The following ARHGEF25 variants were observed in gnomAD, a reference collection of about 807,000 sequenced individuals.
ARHGEF25 encodes the protein Rho guanine nucleotide exchange factor 25.
A neutral mutation model predicts 74.0 loss-of-function variants in ARHGEF25; 42 were observed. The observed-to-expected ratio is 0.57, with a 90% confidence interval of 0.44 to 0.73. ARHGEF25 has a LOEUF of 0.73. Ranked by LOEUF, ARHGEF25 falls within the 30% of genes least tolerant of loss-of-function variation. The pLI is 0.00. For synonymous variants in ARHGEF25, 293 were observed against 278.6 expected, an observed-to-expected ratio of 1.05 and a Z score of -0.51; for missense variants, 645 against 725.5, an observed-to-expected ratio of 0.89 and a Z score of 1.27.
At chr12:57,613,395 C>A (rs1449865237) in intron 3 of ARHGEF25, 36 bp downstream of exon 3, 1 of 1,614,026 alleles carries the variant, frequency 6.2e-7, no homozygotes, top group Non-Finnish European at 8.5e-7. Context: ...TCCTTTCACT[C>A]AAGGGGCATT....
At chr12:57,615,763 C>T (rs750289345) in intron 12 of ARHGEF25, 51 bp downstream of exon 12, 4 of 1,612,902 alleles carry the variant, frequency 2.5e-6, no homozygotes, top group Non-Finnish European at 3.4e-6. Flanking sequence ...GGCATGAGGC[C>T]TCTGAGAGGA....
Position 57,612,976 on chromosome 12 carries a change from T to C in ARHGEF25, c.144T>C (p.Ala48=). Residue 48 remains alanine, a synonymous_variant, in exon 2 of 15, where the codon GCT becomes GCC. Transcript: ENST00000286494. ...AGSEGSISAS[A]ASGLAAPSGP... ...GTGAGGGGAGTATATCGGCTTCTGC[T>C]GCCTCCGGTCTGGCTGCCCCCTCTG... 6.2e-7 allele frequency: 1 copy of C among 1,614,168 alleles called. No individual in the cohort carries two copies. Among genetic ancestry groups the C allele is most frequent in the East Asian group, 2.2e-5 (1 of 44,884 alleles).
chr12:57,615,320 G>T lies in ARHGEF25; in HGVS notation c.1038+6G>T. 1 of 1,602,858 alleles carries T rather than the reference G, an allele frequency of 6.2e-7. No homozygotes were observed. Among genetic ancestry groups the T allele is most frequent in the Non-Finnish European group, 8.5e-7 (1 of 1,174,946 alleles). ...GGAGATTGCGGGGATTTGAGGTACG[G>T]AGATAGGGCAAGAAACTGGAGGCCC... is the stretch of plus-strand genomic sequence containing the variant. On this transcript the variant is annotated splice_donor_region_variant and intron_variant, in intron 11 of 14. Coordinates refer to ENST00000286494, the MANE Select transcript of ARHGEF25 (RefSeq NM_182947.4).
In ARHGEF25 at chr12:57,614,797, T is replaced by G. The variant is rs763034840; in HGVS notation, c.909+16T>G. ...GCTGCTCAAGGTCAGGACCCCCTTT[T>G]TCCTGGGGGCACAGCTGGCTGGCAC... On this transcript the variant is annotated intron_variant, in intron 9 of 14. Transcript: ENST00000286494. The surrounding 1 kb of genome is among the most constrained non-coding windows in gnomAD (Gnocchi z 4.6). The G allele has an allele frequency of 6.2e-7, 1 of 1,600,150 alleles. No homozygotes were observed. Among genetic ancestry groups the G allele is most frequent in the African/African-American group, 1.3e-5 (1 of 74,596 alleles).
rs1221754178 is a variant in ARHGEF25 at position 57,611,627 on chromosome 12, G to A, written c.-268G>A. The A allele has an allele frequency of 4.7e-5, 48 of 1,031,744 alleles. No individual in the cohort carries two copies. Among genetic ancestry groups the A allele is most frequent in the Non-Finnish European group, 5.5e-5 (47 of 861,114 alleles). The allele number at this position is 1,031,744 out of a possible 1,614,324, so 63.9% of individuals were successfully genotyped here. A position where few individuals can be genotyped will look rare whatever the true frequency, so the allele number is the denominator to read the frequency against. On this transcript the variant is annotated 5_prime_UTR_variant, in exon 1 of 15. Transcript: ENST00000286494. The surrounding 1 kb of genome is among the most constrained non-coding windows in gnomAD (Gnocchi z 4.5). ...CTGGACATCTGGACCCTAGGCCCCCGCACCGACAGGGTTCCGGAAACCCTC... is the reference window on the plus strand; with the variant it reads ...CTGGACATCTGGACCCTAGGCCCCCACACCGACAGGGTTCCGGAAACCCTC...
At chr12:57,612,852 A>T in intron 1 of ARHGEF25, 78 bp from the exon 2 acceptor site, 1 of 1,547,058 alleles carries the variant, frequency 6.5e-7, no homozygotes, top group South Asian at 1.2e-5. Flanking sequence ...TGAAGAGAAG[A>T]CCCTGGGAGT....
Position 57,612,007 on chromosome 12 carries a change from A to C in ARHGEF25, c.97+16A>C. 8.2e-7 allele frequency: 1 copy of C among 1,218,594 alleles called. No homozygotes were observed. The highest frequency in any genetic ancestry group is 1.0e-6 in the Non-Finnish European group (1 of 952,444). 75.5% of individuals were successfully genotyped at this position (1,218,594 alleles called of 1,614,324 possible). ...GGGGGACGTGGTGAGTGCCAGGTCG[A>C]GAGGGTCCAGTGTTGAGTGGGGGGC... On this transcript the variant is annotated intron_variant, in intron 1 of 14. Coordinates refer to ENST00000286494, the MANE Select transcript of ARHGEF25 (RefSeq NM_182947.4).
Position 57,615,910 on chromosome 12 carries a change from A to G in ARHGEF25, c.1313A>G (p.Glu438Gly). Reference sequence around the variant, plus strand: ...TTTGCACTGACCTCCAGAGGGCCAGAGGGTGGGATCCAGCGCTATGTCCTG... The same window carrying G: ...TTTGCACTGACCTCCAGAGGGCCAGGGGGTGGGATCCAGCGCTATGTCCTG... Reference protein sequence around the residue: ...CRFALTSRGPEGGIQRYVLQA... With the variant: ...CRFALTSRGPGGGIQRYVLQA... The change falls in exon 13 of 15, where the codon GAG becomes GGG. Residue 438 changes from glutamate to glycine, a missense_variant. Glu to Gly is a moderately conservative substitution (Grantham distance 98, BLOSUM62 -2). Transcript: ENST00000286494. The G allele has an allele frequency of 6.2e-7, 1 of 1,614,160 alleles. No homozygotes were observed. Among genetic ancestry groups the G allele is most frequent in the Non-Finnish European group, 8.5e-7 (1 of 1,180,010 alleles).
chr12:57,612,048 G>A lies in ARHGEF25; in HGVS notation c.97+57G>A, dbSNP rs1057477919. On this transcript the variant is annotated intron_variant, in intron 1 of 14. Transcript: ENST00000286494. The stretch of plus-strand genomic sequence containing the variant: ...AGTGGGGGGCGGGCTGGGGGTTCAG[G>A]GCATCTGTTTGCCCTGGCCCTTGGG... The A allele has an allele frequency of 1.8e-5, 23 of 1,250,006 alleles. No homozygotes were observed. The African/African-American group carries it at 2.9e-4, about 16-fold the overall frequency. 77.4% of individuals were successfully genotyped at this position (1,250,006 alleles called of 1,614,324 possible). A position where few individuals can be genotyped will look rare whatever the true frequency, so the allele number is the denominator to read the frequency against.
At position 57,615,846 on chromosome 12, in the gene ARHGEF25, C is replaced by T. The variant is rs201973640; in HGVS notation, c.1249C>T (p.Leu417=). The change falls in exon 13 of 15, where the codon CTG becomes TTG. Residue 417 remains leucine, a synonymous_variant. Transcript: ENST00000286494. The part of the protein sequence containing the change: ...VYKNSIKVSC[L]GLEGNLQGDP... ...CTATCTGCCAATTCAGGTGAGCTGC[C>T]TGGGACTGGAGGGGAACCTCCAAGG... The T allele has an allele frequency of 1.9e-6, 3 of 1,613,728 alleles. No individual in the cohort carries two copies. The African/African-American group carries it at 4.0e-5, about 22-fold the overall frequency.
upstream of ARHGEF25, chr12:57,610,669 G>C (rs929552263): frequency 1.7e-5 from 28 of 1,608,860 alleles, no homozygotes; most frequent in African/African-American, 2.7e-5. Context: ...GGTCCTCGCC[G>C]GGGCTCTGCA....
At position 57,615,119 on chromosome 12, in the gene ARHGEF25, T is replaced by A. The variant is rs890227316; in HGVS notation, c.960+102T>A. ...TGGGTGGTTTACAGCTGTCTGGTTT[T>A]TAGGGGGAGGCTGGTTGGGGTTGAG... On this transcript the variant is annotated intron_variant, in intron 10 of 14. Coordinates refer to ENST00000286494, the MANE Select transcript of ARHGEF25 (RefSeq NM_182947.4). 2.5e-6 allele frequency: 4 copies of A among 1,571,162 alleles called. No individual in the cohort carries two copies. In the East Asian group the frequency reaches 9.0e-5, roughly 35 times the overall value.
chr12:57,613,577 T>A, intron 4 of ARHGEF25, 61 bp downstream of exon 4: 1 of 1,612,462 alleles, frequency 6.2e-7, no homozygotes, highest in Non-Finnish European at 8.5e-7. Flanking sequence ...CCCTCACATT[T>A]TAGATGGAAT....
At chr12:57,610,816 C>T, upstream of ARHGEF25, 1 of 705,516 alleles carries the variant, frequency 1.4e-6, no homozygotes, top group Non-Finnish European at 2.2e-6. Flanking sequence ...GCAGAGACCT[C>T]CACTCTTCTT....
chr12:57,610,302 C>T (rs772728054), upstream of ARHGEF25: 15 of 1,519,502 alleles, frequency 9.9e-6, no homozygotes, highest in Non-Finnish European at 1.3e-5. Flanking sequence ...TGCGCCCTCC[C>T]TGGGCAGGAG....
chr12:57,617,052 C>T lies in ARHGEF25; in HGVS notation c.*158C>T. The T allele has an allele frequency of 2.1e-6, 1 of 485,080 alleles. No individual in the cohort carries two copies. The highest frequency in any genetic ancestry group is 3.4e-5 in the East Asian group (1 of 28,986). The allele number at this position is 485,080 out of a possible 1,614,324, so 30.0% of individuals were successfully genotyped here. ...ATCAACTTGGAGGAGAACACCTAGA[C>T]CCAAGGACTTTTTTCTGCCCAAGGA... On this transcript the variant is annotated 3_prime_UTR_variant, in exon 15 of 15. Coordinates refer to ENST00000286494, the MANE Select transcript of ARHGEF25 (RefSeq NM_182947.4).
chr12:57,615,820 C>CCT lies in ARHGEF25; in HGVS notation c.1240-16_1240-15dup. 6.2e-7 allele frequency: 1 copy of CCT among 1,612,792 alleles called. No individual in the cohort carries two copies. Among genetic ancestry groups the CCT allele is most frequent in the Non-Finnish European group, 8.5e-7 (1 of 1,179,122 alleles). On this transcript the variant is annotated splice_polypyrimidine_tract_variant and intron_variant, in intron 12 of 14. Transcript: ENST00000286494. ...GGCCTGAGGAATCTGGGGGCTGTCT[C>CCT]CTATCTGCCAATTCAGGTGAGCTGC...
At position 57,614,637 on chromosome 12, in the gene ARHGEF25, G is replaced by A; in HGVS notation, c.816+32G>A. 6.2e-7 allele frequency: 1 copy of A among 1,613,936 alleles called. No individual in the cohort carries two copies. The highest frequency in any genetic ancestry group is 1.1e-5 in the South Asian group (1 of 91,068). On this transcript the variant is annotated intron_variant, in intron 8 of 14. Coordinates refer to ENST00000286494, the MANE Select transcript of ARHGEF25 (RefSeq NM_182947.4). The surrounding 1 kb of genome is among the most constrained non-coding windows in gnomAD (Gnocchi z 4.6). ...AGCTGAGATGTCTTGGTGGGAAGGA[G>A]GACAGAACTGGGGCTTTCCAGGCTG...
At chr12:57,616,704 C>A in intron 14 of ARHGEF25, 80 bp from the exon 15 acceptor site, 1 of 1,125,264 alleles carries the variant, frequency 8.9e-7, no homozygotes, top group Non-Finnish European at 1.3e-6. Context: ...GGTGGCTTGG[C>A]TAGGGACTTA....
Sources: allele counts gnomAD v4.1 joint callset, GRCh38; gene constraint gnomAD v4.1.1; non-coding constraint Gnocchi (gnomAD v3.1); transcripts MANE v1.5; gene names NCBI Gene and HGNC (gene_info 2026-07-23, HGNC 2026-07-21).